ATP6V1G1: variants seen among roughly 807,000 people sequenced by gnomAD.
ATP6V1G1 encodes the protein ATPase H+ transporting V1 subunit G1, also known as V-type proton ATPase subunit G 1.
ATP6V1G1 carries 14 observed loss-of-function variants against 14.2 expected under a neutral mutation model. That is an observed-to-expected ratio of 0.99 (90% CI 0.65 to 1.55). ATP6V1G1 has a LOEUF of 1.55. Ranked by LOEUF, ATP6V1G1 falls within the 40% of genes most tolerant of loss-of-function variation. The pLI is 0.00. For synonymous variants in ATP6V1G1, 65 were observed against 53.3 expected, an observed-to-expected ratio of 1.22 and a Z score of -0.96; for missense variants, 137 against 146.4, an observed-to-expected ratio of 0.94 and a Z score of 0.33.
At chr9:114,589,762 G>T (rs922484237) in intron 1 of ATP6V1G1, among the ~76,000 whole-genome samples, 2 of 127,456 alleles carry the variant, frequency 1.6e-5, no homozygotes, top group East Asian at 5.2e-4. Flanking sequence ...AATAGATTGG[G>T]GAAGTGCAGG....
At chr9:114,595,149 T>G (rs939143301) in intron 2 of ATP6V1G1, among the ~76,000 whole-genome samples, 1 of 152,078 alleles carries the variant, frequency 6.6e-6, no homozygotes, top group Non-Finnish European at 1.5e-5. Flanking sequence ...ATTAGAGGTG[T>G]GAGCTACCAT....
intron 2 of ATP6V1G1, among the ~76,000 whole-genome samples, chr9:114,594,445 G>A (rs1487769104): frequency 2.7e-5 from 4 of 149,346 alleles, no homozygotes; most frequent in African/African-American, 5.0e-5. Flanking sequence ...GCGCAGTGGC[G>A]TCATCTCAGT....
At chr9:114,596,983 A>ATTTT (rs1554754389) in intron 2 of ATP6V1G1, among the ~76,000 whole-genome samples, 8 of 128,622 alleles carry the variant, frequency 6.2e-5, no homozygotes, top group East Asian at 2.7e-4. Flanking sequence ...TATATAGCAG[A>ATTTT]TTCTTTTTTT....
rs533936503 is a variant in ATP6V1G1 at position 114,597,543 on chromosome 9, C to T, written c.184-27C>T. 8.2e-6 allele frequency: 12 copies of T among 1,467,968 alleles called. No individual in the cohort carries two copies. In the South Asian group the frequency reaches 1.5e-4, roughly 18 times the overall value. The allele number at this position is 1,467,968 out of a possible 1,614,324, so 90.9% of individuals were successfully genotyped here. ...AACCAGAGCATTGTTCTGATAATCC[C>T]TCCGTGACATCACTCCCCATCTCCA... On this transcript the variant is annotated intron_variant, in intron 2 of 2. Transcript: ENST00000374050.
intron 1 of ATP6V1G1, among the ~76,000 whole-genome samples, chr9:114,589,855 C>T (rs1213575112): frequency 2.0e-5 from 3 of 152,098 alleles, no homozygotes; most frequent in African/African-American, 7.2e-5. Context: ...TCCTGTCAAG[C>T]CTGGTGCAGG....
intron 1 of ATP6V1G1, among the ~76,000 whole-genome samples, chr9:114,588,545 G>C (rs1845152406): frequency 6.7e-6 from 1 of 149,284 alleles, no homozygotes; most frequent in Admixed American, 6.7e-5. Context: ...GTGTGTTTCT[G>C]TCTAATATGT....
chr9:114,593,005 C>T (rs1036342266), intron 2 of ATP6V1G1, among the ~76,000 whole-genome samples: 3 of 152,148 alleles, frequency 2.0e-5, no homozygotes, highest in Non-Finnish European at 4.4e-5. Flanking sequence ...TAATACAGTG[C>T]AAATCATGCA....
At chr9:114,591,093 G>A (rs570565126) in intron 1 of ATP6V1G1, among the ~76,000 whole-genome samples, 44 of 152,252 alleles carry the variant, frequency 2.9e-4, no homozygotes, top group African/African-American at 9.9e-4. Flanking sequence ...CGCGCCCGGC[G>A]TGGACCTTAA....
At chr9:114,590,631 C>G (rs1039251408) in intron 1 of ATP6V1G1, among the ~76,000 whole-genome samples, 1 of 151,642 alleles carries the variant, frequency 6.6e-6, no homozygotes, top group African/African-American at 2.4e-5. Context: ...AGAAGAACTG[C>G]AGTTTGAAAA....
At chr9:114,587,957 GTC>G (rs1845140674) in intron 1 of ATP6V1G1, 37 bp downstream of exon 1, 2 of 1,551,626 alleles carry the variant, frequency 1.3e-6, no homozygotes, top group Admixed American at 2.0e-5. Context: ...CGTGGCGCGA[GTC>G]GAAGAAAGAC....
chr9:114,598,750 G>A lies in ATP6V1G1; in HGVS notation c.*1007G>A, dbSNP rs1845269100. Reference sequence around the variant, plus strand: ...CTAGCCCTTACAAGTTAAATGTCCTGTGGCCATCTTAGCCGAAAGTCTTTG... The same window carrying A: ...CTAGCCCTTACAAGTTAAATGTCCTATGGCCATCTTAGCCGAAAGTCTTTG... On this transcript the variant is annotated 3_prime_UTR_variant, in exon 3 of 3. Coordinates refer to ENST00000374050, the MANE Select transcript of ATP6V1G1 (RefSeq NM_004888.4). 6.6e-6 allele frequency among the ~76,000 whole-genome samples: 1 copy of A among 152,154 alleles called. No homozygotes were observed. The highest frequency in any genetic ancestry group is 2.1e-4 in the South Asian group (1 of 4,836).
chr9:114,597,709 C>T lies in ATP6V1G1; in HGVS notation c.323C>T (p.Pro108Leu). The T allele has an allele frequency of 6.3e-7, 1 of 1,584,456 alleles. No individual in the cohort carries two copies. Among genetic ancestry groups the T allele is most frequent in the Non-Finnish European group, 8.6e-7 (1 of 1,169,112 alleles). ...NLLAFVCDIRPEIHENYRING is the reference protein window; with the variant it reads ...NLLAFVCDIRLEIHENYRING ...TTGGCTTTTGTCTGTGACATTCGGC[C>T]AGAAATCCATGAAAACTACCGCATA... The change falls in exon 3 of 3, where the codon CCA becomes CTA. Residue 108 changes from proline (P) to leucine (L), a missense_variant. Transcript: ENST00000374050.
chr9:114,589,713 A>G (rs1346307414), intron 1 of ATP6V1G1, among the ~76,000 whole-genome samples: 2 of 152,206 alleles, frequency 1.3e-5, no homozygotes, highest in African/African-American at 4.8e-5. Context: ...CTGATGGCTC[A>G]TCAGTAACAG....
chr9:114,596,248 C>T (rs10982321), intron 2 of ATP6V1G1, among the ~76,000 whole-genome samples: 3 of 151,960 alleles, frequency 2.0e-5, no homozygotes, highest in Non-Finnish European at 2.9e-5. Context: ...ATTAGCCGGG[C>T]GTGGTGGCTG....
intron 2 of ATP6V1G1, among the ~76,000 whole-genome samples, chr9:114,594,066 T>C (rs556964743): frequency 2.6e-4 from 34 of 131,644 alleles, no homozygotes; most frequent in South Asian, 8.8e-4. Context: ...ATCATCTTCA[T>C]TTTTTTTTTT....
chr9:114,596,263 C>G (rs1845236959), intron 2 of ATP6V1G1, among the ~76,000 whole-genome samples: 1 of 151,962 alleles, frequency 6.6e-6, no homozygotes, highest in South Asian at 2.1e-4. Context: ...TGGCTGGCGC[C>G]TGTAGTCCCA....
At chr9:114,591,290 A>G (rs1244697715) in intron 1 of ATP6V1G1, among the ~76,000 whole-genome samples, 1 of 152,212 alleles carries the variant, frequency 6.6e-6, no homozygotes, top group African/African-American at 2.4e-5. Context: ...AGTAAATGGT[A>G]TTATCCTGAG....
intron 2 of ATP6V1G1, among the ~76,000 whole-genome samples, chr9:114,593,694 T>C (rs1845206603): frequency 1.3e-5 from 2 of 152,046 alleles, no homozygotes; most frequent in South Asian, 4.1e-4. Flanking sequence ...AGATAGGGTC[T>C]TGCTGTGTTG....
Position 114,590,304 on chromosome 9 carries a change from G to T in ATP6V1G1, c.83-2248G>T, listed in dbSNP as rs544620230. 3.4e-5 allele frequency among the ~76,000 whole-genome samples: 5 copies of T among 147,196 alleles called. No homozygotes were observed. In the East Asian group the frequency reaches 1.0e-3, roughly 29 times the overall value. ...AGACAGAGTCTCACTCTGTCACTCA[G>T]GCTAGAGTGCAGTGGCACCATCTTG... On this transcript the variant is annotated intron_variant, in intron 1 of 2. Coordinates refer to ENST00000374050, the MANE Select transcript of ATP6V1G1 (RefSeq NM_004888.4).
Sources: gnomAD v4.1 joint callset for allele counts (sites outside exome capture counted in the v4.1 genomes callset) on GRCh38, gnomAD v4.1.1 for gene constraint, MANE v1.5 for transcripts, NCBI Gene and HGNC (gene_info 2026-07-23, HGNC 2026-07-21) for gene names.